Variants in SLAIN1 observed in about 807,000 individuals in gnomAD.
The protein encoded by SLAIN1 is SLAIN motif-containing protein 1.
SLAIN1 carries 17 observed loss-of-function variants against 55.4 expected under a neutral mutation model. That is an observed-to-expected ratio of 0.31 (90% confidence interval 0.21 to 0.46). The LOEUF is 0.46. Among genes scored for constraint, SLAIN1 ranks in the 20% least tolerant of loss-of-function variants. The pLI, the probability that SLAIN1 is intolerant of heterozygous loss-of-function variation, is 1.00. For missense variants in SLAIN1, 682 were observed against 785.1 expected (o/e 0.87, Z 1.57); for synonymous variants, 348 against 337.4 (o/e 1.03, Z -0.35).
chr13:77,761,969 G>A (rs9593256), intron 6 of SLAIN1, among the ~76,000 whole-genome samples: 4,540 of 152,226 alleles, frequency 0.03, 239 homozygotes, highest in African/African-American at 0.1. Context: ...TTTGAAAGAG[G>A]TGGAACAAGC....
At chr13:77,707,210 A>G (rs1325520808) in intron 1 of SLAIN1, among the ~76,000 whole-genome samples, 2 of 151,136 alleles carry the variant, frequency 1.3e-5, no homozygotes, top group Non-Finnish European at 2.9e-5. Flanking sequence ...GTCTTATCCC[A>G]TTGCTAATCT....
chr13:77,739,185 T>C (rs1196278431), intron 2 of SLAIN1, among the ~76,000 whole-genome samples: 3 of 152,062 alleles, frequency 2.0e-5, no homozygotes, highest in Non-Finnish European at 4.4e-5. Context: ...TCTCCAGGTA[T>C]ATTTTTCACC....
intron 3 of SLAIN1, among the ~76,000 whole-genome samples, chr13:77,745,976 CAG>C (rs1405324663): frequency 1.3e-5 from 2 of 151,950 alleles, no homozygotes; most frequent in East Asian, 3.9e-4. Flanking sequence ...ATTGAGGTGT[CAG>C]TGTGCTTTGA....
chr13:77,757,713 C>T (rs978500453), intron 5 of SLAIN1, among the ~76,000 whole-genome samples: 3 of 152,096 alleles, frequency 2.0e-5, no homozygotes, highest in African/African-American at 4.8e-5. Flanking sequence ...AGTTATTTCA[C>T]TTAGAATAAT....
chr13:77,759,579 G>A (rs1874857733), intron 5 of SLAIN1, among the ~76,000 whole-genome samples: 1 of 152,162 alleles, frequency 6.6e-6, no homozygotes, highest in African/African-American at 2.4e-5. Context: ...CTATGGGTTT[G>A]TCATATATCG....
At chr13:77,711,021 T>A (rs1031335150) in intron 1 of SLAIN1, among the ~76,000 whole-genome samples, 8 of 152,062 alleles carry the variant, frequency 5.3e-5, no homozygotes, top group African/African-American at 1.9e-4. Context: ...AAATAAGTTC[T>A]TTAAAACCAA....
chr13:77,755,471 T>C (rs1373300491), intron 5 of SLAIN1, among the ~76,000 whole-genome samples: 1 of 152,172 alleles, frequency 6.6e-6, no homozygotes, highest in Non-Finnish European at 1.5e-5. Context: ...AAAATGTATG[T>C]AGCCCAAAAT....
At chr13:77,727,812 T>C (rs73231050) in intron 2 of SLAIN1, among the ~76,000 whole-genome samples, 2,846 of 152,288 alleles carry the variant, frequency 0.019, 36 homozygotes, top group Middle Eastern at 0.031. Context: ...TTTAGAAAGA[T>C]TTCTGGAAAT....
chr13:77,703,183 T>C (rs1378807258), intron 1 of SLAIN1, among the ~76,000 whole-genome samples: 2 of 152,094 alleles, frequency 1.3e-5, no homozygotes, highest in Non-Finnish European at 2.9e-5. Flanking sequence ...TTTTTAACTT[T>C]CCCAACTGGG....
chr13:77,758,412 A>G (rs2154410992), intron 5 of SLAIN1, among the ~76,000 whole-genome samples: 1 of 152,118 alleles, frequency 6.6e-6, no homozygotes, highest in Non-Finnish European at 1.5e-5. Context: ...TTTGGTGTGC[A>G]GAAGCTTTGT....
At chr13:77,721,812 T>TA (rs147067801) in intron 2 of SLAIN1, among the ~76,000 whole-genome samples, 1 of 150,834 alleles carries the variant, frequency 6.6e-6, no homozygotes, top group Admixed American at 6.6e-5. Context: ...TCCCAATTAT[T>TA]AAAAAAATAT....
intron 5 of SLAIN1, among the ~76,000 whole-genome samples, chr13:77,760,284 G>A (rs1874911692): frequency 6.6e-6 from 1 of 152,124 alleles, no homozygotes. Flanking sequence ...AGTTCCCAGT[G>A]CCCTTCATTT....
At chr13:77,699,716 A>G (rs1405010667) in intron 1 of SLAIN1, among the ~76,000 whole-genome samples, 2 of 152,244 alleles carry the variant, frequency 1.3e-5, no homozygotes, top group African/African-American at 2.4e-5. Flanking sequence ...GAGTTACAGT[A>G]AGCCTTTCAG....
At chr13:77,754,303 C>T (rs1465934004) in intron 5 of SLAIN1, among the ~76,000 whole-genome samples, 1 of 152,206 alleles carries the variant, frequency 6.6e-6, no homozygotes, top group Non-Finnish European at 1.5e-5. Context: ...TAGTTCCTAA[C>T]AACCAAGTGA....
chr13:77,759,396 C>G (rs1160527205), intron 5 of SLAIN1, among the ~76,000 whole-genome samples: 1 of 152,116 alleles, frequency 6.6e-6, no homozygotes, highest in Admixed American at 6.5e-5. Context: ...GTTTGACATC[C>G]TCTTTTCCAA....
At chr13:77,741,461 G>A in intron 2 of SLAIN1, 1 of 987,124 alleles carries the variant, frequency 1.0e-6, no homozygotes, top group Non-Finnish European at 1.2e-6. Context: ...GGTTGGATAA[G>A]TGACATATAC....
chr13:77,753,091 A>G lies in SLAIN1; in HGVS notation c.1259-112A>G, dbSNP rs1039217198. 4.7e-5 allele frequency: 47 copies of G among 995,838 alleles called. No individual in the cohort carries two copies. In the South Asian group the frequency reaches 9.7e-4, roughly 20 times the overall value. The allele number at this position is 995,838 out of a possible 1,614,324, so 61.7% of individuals were successfully genotyped here. On this transcript the variant is annotated intron_variant, in intron 4 of 6. Coordinates refer to ENST00000418532, the MANE Select transcript of SLAIN1 (RefSeq NM_001242868.2). The stretch of plus-strand genomic sequence containing the variant: ...TAGAAAGCTTGATCATCAACATGTA[A>G]TAATTTGTATTTATTATTGAGCACA...
At chr13:77,734,602 G>T (rs1447843067) in intron 2 of SLAIN1, among the ~76,000 whole-genome samples, 4 of 152,154 alleles carry the variant, frequency 2.6e-5, no homozygotes. Context: ...TAGATACAGT[G>T]TAAGAAGCCG....
Position 77,748,847 on chromosome 13 carries a change from G to T in SLAIN1, c.1258+1992G>T, listed in dbSNP as rs183996801. 2.1e-3 allele frequency among the ~76,000 whole-genome samples: 324 copies of T among 152,228 alleles called. 2 individuals carry two copies. Among genetic ancestry groups the T allele is most frequent in the East Asian group, 2.3e-3 (12 of 5,182 alleles). On this transcript the variant is annotated intron_variant, in intron 4 of 6. Transcript: ENST00000418532. Reference sequence around the variant, plus strand: ...TCCCTAACTAAAATGTGGACAAGATGATATCTGTCTCTTAGGAAACTTAGG... The same window carrying T: ...TCCCTAACTAAAATGTGGACAAGATTATATCTGTCTCTTAGGAAACTTAGG...
Sources: gnomAD v4.1 joint callset for allele counts (sites outside exome capture counted in the v4.1 genomes callset) on GRCh38, gnomAD v4.1.1 for gene constraint, MANE v1.5 for transcripts, NCBI Gene and HGNC (gene_info 2026-07-23, HGNC 2026-07-21) for gene names.